Variants in PPTC7 observed in about 807,000 individuals in gnomAD.
PPTC7 encodes protein phosphatase PTC7 homolog.
PPTC7 carries 6 observed loss-of-function variants against 30.8 expected under a neutral mutation model. The ratio of observed to expected loss-of-function variants is 0.19; its 90% confidence interval spans 0.11 to 0.38. The LOEUF is 0.38. Among genes scored for constraint, PPTC7 ranks in the 10% least tolerant of loss-of-function variants. The probability of loss-of-function intolerance (pLI) is 1.00; values close to 1 mark genes in which losing one functional copy is unlikely to be tolerated. For synonymous variants in PPTC7, 163 were observed against 168.1 expected (o/e 0.97, Z 0.23); for missense variants, 218 against 404.8 (o/e 0.54, Z 3.96).
intron 4 of PPTC7, 29 bp downstream of exon 4, chr12:110,539,793 T>C (rs1377925693): frequency 1.9e-6 from 3 of 1,608,888 alleles, no homozygotes; most frequent in Non-Finnish European, 2.5e-6. Flanking sequence ...GGGCCACTTT[T>C]CCCAAGAGCT....
At chr12:110,553,922 C>A (rs529299632) in intron 1 of PPTC7, among the ~76,000 whole-genome samples, 1 of 152,162 alleles carries the variant, frequency 6.6e-6, no homozygotes, top group Non-Finnish European at 1.5e-5. Context: ...AGTACAGTGG[C>A]GTGATCTCAG....
chr12:110,570,392 T>G (rs2135790438), intron 1 of PPTC7, among the ~76,000 whole-genome samples: 2 of 42,868 alleles, frequency 4.7e-5, no homozygotes, highest in Middle Eastern at 5.6e-3. Flanking sequence ...TCTCCCCATG[T>G]GATAGTCTGA....
chr12:110,563,133 AAAAAAAAAAAAAAAAG>A (rs1485752774), intron 1 of PPTC7, among the ~76,000 whole-genome samples: 6 of 149,026 alleles, frequency 4.0e-5, no homozygotes, highest in Non-Finnish European at 5.9e-5. Context: ...AAAAAAAAAA[AAAAAAAAAAAAAAAAG>A]AAGAAGAAGA....
chr12:110,542,386 AGCGG>A (rs1165303412), intron 3 of PPTC7, among the ~76,000 whole-genome samples: 4 of 151,574 alleles, frequency 2.6e-5, no homozygotes, highest in Non-Finnish European at 2.9e-5. Flanking sequence ...AACTGCTCAT[AGCGG>A]GCTGTGGGTG....
chr12:110,569,527 C>T (rs528017584), intron 1 of PPTC7, among the ~76,000 whole-genome samples: 1 of 152,208 alleles, frequency 6.6e-6, no homozygotes, highest in Admixed American at 6.5e-5. Flanking sequence ...GGCAGGAAGA[C>T]ACAGTCTCTC....
At position 110,545,933 on chromosome 12, in the gene PPTC7, T is replaced by C. The variant is rs769157687; in HGVS notation, c.549A>G (p.Pro183=). 4 of 1,614,122 alleles carry C rather than the reference T, an allele frequency of 2.5e-6. No individual in the cohort carries two copies. Among genetic ancestry groups the C allele is most frequent in the Middle Eastern group, 1.7e-4 (1 of 6,010 alleles). The change falls in exon 3 of 6, where the codon CCA becomes CCG. Residue 183 remains proline, a synonymous_variant. Coordinates refer to ENST00000354300, the MANE Select transcript of PPTC7 (RefSeq NM_139283.2). The part of the protein sequence containing the change: ...SDEQQHYFNT[P]FQLSIAPPEA... ...CAGGGGGAGCGATTGAGAGCTGGAATGGAGTGTTGAAGTAATGCTGCTGCT... is the reference window on the plus strand; with the variant it reads ...CAGGGGGAGCGATTGAGAGCTGGAACGGAGTGTTGAAGTAATGCTGCTGCT...
intron 1 of PPTC7, among the ~76,000 whole-genome samples, chr12:110,558,497 T>G (rs2064408000): frequency 6.6e-6 from 1 of 152,244 alleles, no homozygotes; most frequent in South Asian, 2.1e-4. Flanking sequence ...ACATCTAGCT[T>G]AAGTGTTTCC....
chr12:110,582,543 C>G (rs958095303), intron 1 of PPTC7, among the ~76,000 whole-genome samples: 6 of 152,202 alleles, frequency 3.9e-5, no homozygotes, highest in African/African-American at 1.4e-4. Flanking sequence ...TGGACTCGGA[C>G]AGACCGGTCA....
In PPTC7 at chr12:110,538,243, C is replaced by A; in HGVS notation, c.757G>T (p.Ala253Ser). 6.2e-7 allele frequency: 1 copy of A among 1,614,076 alleles called. No individual in the cohort carries two copies. Among genetic ancestry groups the A allele is most frequent in the South Asian group, 1.1e-5 (1 of 91,072 alleles). ...NSNYESIQQT[A>S]RSIAEQAHEL... ...TGAGCTTGCTCAGCAATGCTTCTGG[C>A]AGTCTGTTGTATACTCTCATAATTT... The change falls in exon 5 of 6, where the codon GCC becomes TCC. Residue 253 changes from alanine to serine, a missense_variant. By Grantham distance (99) the Ala-to-Ser change is moderately conservative (BLOSUM62 1). Coordinates refer to ENST00000354300, the MANE Select transcript of PPTC7 (RefSeq NM_139283.2).
In PPTC7 at chr12:110,582,843, G is replaced by A. The variant is rs2064650846; in HGVS notation, c.189C>T (p.Cys63=). The change falls in exon 1 of 6, where the codon TGC becomes TGT. Residue 63 remains cysteine, a synonymous_variant. Transcript: ENST00000354300. ...CCGCGGAACGGTGCCGGGCCACGAA[G>A]CACGCGTCGTCCCCGTAGCACGCGC... ...KKGACYGDDA[C]FVARHRSADV... The A allele has an allele frequency of 6.4e-7, 1 of 1,562,918 alleles. No homozygotes were observed. The highest frequency in any genetic ancestry group is 1.2e-5 in the South Asian group (1 of 85,310).
chr12:110,556,088 TGATCCTC>T (rs923572924), intron 1 of PPTC7, among the ~76,000 whole-genome samples: 1 of 152,224 alleles, frequency 6.6e-6, no homozygotes, highest in African/African-American at 2.4e-5. Context: ...CGTTTAGAGT[TGATCCTC>T]GATCCTCGCA....
At position 110,549,168 on chromosome 12, in the gene PPTC7, A is replaced by T. The variant is rs1266759856; in HGVS notation, c.403+2621T>A. On this transcript the variant is annotated intron_variant, in intron 2 of 5. Coordinates refer to ENST00000354300, the MANE Select transcript of PPTC7 (RefSeq NM_139283.2). The stretch of plus-strand genomic sequence containing the variant: ...AAAAGGGATAACTTTATTAGGACCA[A>T]CCCCTCAGGTTCTTAAGATACTCTG... 2.6e-5 allele frequency among the ~76,000 whole-genome samples: 4 copies of T among 152,158 alleles called. No individual in the cohort carries two copies. The East Asian group carries it at 5.8e-4, about 22-fold the overall frequency.
At position 110,534,140 on chromosome 12, in the gene PPTC7, G is replaced by A. The variant is rs933269173; in HGVS notation, c.*2897C>T. On this transcript the variant is annotated 3_prime_UTR_variant, in exon 6 of 6. Transcript: ENST00000354300. Reference sequence around the variant, plus strand: ...TTTGGTAAATTTTTTTTTTTTTTGTGCGCAGGCAGCTTAAGTTCATAGGAA... The same window carrying A: ...TTTGGTAAATTTTTTTTTTTTTTGTACGCAGGCAGCTTAAGTTCATAGGAA... 1 of 146,624 alleles carries A rather than the reference G, an allele frequency of 6.8e-6. No homozygotes were observed. Among genetic ancestry groups the A allele is most frequent in the Admixed American group, 6.8e-5 (1 of 14,736 alleles). The allele number at this position is 146,624 out of a possible 1,614,324, so 9.1% of individuals were successfully genotyped here.
intron 4 of PPTC7, 149 bp downstream of exon 4, chr12:110,539,673 T>C (rs2064242094): frequency 2.9e-6 from 2 of 688,386 alleles, no homozygotes; most frequent in Admixed American, 3.4e-5. Flanking sequence ...GTGCTCTAAT[T>C]ATTTGAAAGA....
In PPTC7 at chr12:110,538,255, T is replaced by C. The variant is rs371130241; in HGVS notation, c.745A>G (p.Ile249Val). Residue 249 changes from isoleucine to valine, a missense_variant, in exon 5 of 6, where the codon ATA becomes GTA. Ile to Val is a conservative substitution (Grantham distance 29, BLOSUM62 3). Transcript: ENST00000354300. ...KKLKNSNYES[I>V]QQTARSIAEQ... ...GCAATGCTTCTGGCAGTCTGTTGTA[T>C]ACTCTCATAATTTGAATTCTAAGAT... 7 of 1,614,160 alleles carry C rather than the reference T, an allele frequency of 4.3e-6. No homozygotes were observed. Among genetic ancestry groups the C allele is most frequent in the Non-Finnish European group, 5.9e-6 (7 of 1,179,956 alleles).
intron 1 of PPTC7, 38 bp from the exon 2 acceptor site, chr12:110,552,006 T>C: frequency 6.5e-7 from 1 of 1,549,476 alleles, no homozygotes; most frequent in Admixed American, 1.8e-5. Flanking sequence ...AAGAACAATC[T>C]TACCAACTTC....
chr12:110,545,390 G>GT (rs1208056806), intron 3 of PPTC7, among the ~76,000 whole-genome samples: 2 of 152,350 alleles, frequency 1.3e-5, no homozygotes, highest in African/African-American at 4.8e-5. Context: ...ACCGTGCCCA[G>GT]TCACTTAAGA....
chr12:110,580,391 T>A (rs2135800618), intron 1 of PPTC7, among the ~76,000 whole-genome samples: 1 of 152,272 alleles, frequency 6.6e-6, no homozygotes, highest in Middle Eastern at 3.4e-3. Context: ...CAGGCTGGAG[T>A]GCAGTGGTGT....
At chr12:110,577,628 C>A (rs2064600687) in intron 1 of PPTC7, among the ~76,000 whole-genome samples, 2 of 152,298 alleles carry the variant, frequency 1.3e-5, no homozygotes, top group Non-Finnish European at 2.9e-5. Context: ...ACATTACTCA[C>A]AAAAACACTT....
Sources: gnomAD v4.1 joint callset for allele counts (sites outside exome capture counted in the v4.1 genomes callset) on GRCh38, gnomAD v4.1.1 for gene constraint, MANE v1.5 for transcripts, NCBI Gene and HGNC (gene_info 2026-07-23, HGNC 2026-07-21) for gene names.